The following KBTBD11 variants were observed in gnomAD, a reference collection of about 807,000 sequenced individuals.
KBTBD11 encodes kelch repeat and BTB domain-containing protein 11.
For synonymous variants in KBTBD11, 747 were observed against 499.0 expected, an observed-to-expected ratio of 1.50 and a Z score of -6.63; for missense variants, 1,390 against 1,001.8, an observed-to-expected ratio of 1.39 and a Z score of -5.23.
Position 2,001,123 on chromosome 8 carries a change from G to C in KBTBD11, c.-70G>C. On this transcript the variant is annotated 5_prime_UTR_variant, in exon 2 of 2. Coordinates refer to ENST00000320248, the MANE Select transcript of KBTBD11 (RefSeq NM_014867.3). ...GTGAGGCTGGAAACCCCGGAGTAAGGCTCGACCTTGGCCAGACCTGCAGGC... is the reference window on the plus strand; with the variant it reads ...GTGAGGCTGGAAACCCCGGAGTAAGCCTCGACCTTGGCCAGACCTGCAGGC... 4 of 1,269,480 alleles carry C rather than the reference G, an allele frequency of 3.2e-6. No homozygotes were observed. Among genetic ancestry groups the C allele is most frequent in the Non-Finnish European group, 4.0e-6 (4 of 1,008,212 alleles). The allele number at this position is 1,269,480 out of a possible 1,614,324, so 78.6% of individuals were successfully genotyped here.
chr8:1,980,253 G>T (rs1326238252), intron 1 of KBTBD11, among the ~76,000 whole-genome samples: 2 of 109,126 alleles, frequency 1.8e-5, no homozygotes, highest in Non-Finnish European at 3.7e-5. Flanking sequence ...TTTGAGATGG[G>T]GTCTTGCTCT....
intron 1 of KBTBD11, chr8:1,975,822 G>A (rs773503177): frequency 1.3e-5 from 2 of 152,202 alleles, no homozygotes; most frequent in African/African-American, 2.4e-5. Context: ...CCGGAAAGGT[G>A]GTTTGGAGCT....
chr8:1,974,372 A>AAGCAGG, intron 1 of KBTBD11: 2 of 984,240 alleles, frequency 2.0e-6, no homozygotes, highest in African/African-American at 3.5e-5. Context: ...GCCGGCACGG[A>AAGCAGG]AGCAGGAGCA....
chr8:1,980,174 A>T (rs1251958896), intron 1 of KBTBD11, among the ~76,000 whole-genome samples: 1 of 151,796 alleles, frequency 6.6e-6, no homozygotes, highest in African/African-American at 2.4e-5. Flanking sequence ...AGATAAGAAG[A>T]TAGAGGCCCA....
At position 2,002,200 on chromosome 8, in the gene KBTBD11, G is replaced by A. The variant is rs2129316712; in HGVS notation, c.1008G>A (p.Glu336=). 3 of 1,258,872 alleles carry A rather than the reference G, an allele frequency of 2.4e-6. No individual in the cohort carries two copies. Among genetic ancestry groups the A allele is most frequent in the Middle Eastern group, 3.1e-4 (1 of 3,214 alleles). The allele number at this position is 1,258,872 out of a possible 1,614,324, so 78.0% of individuals were successfully genotyped here. The change falls in exon 2 of 2, where the codon GAG becomes GAA. Residue 336 remains glutamate, a synonymous_variant. Coordinates refer to ENST00000320248, the MANE Select transcript of KBTBD11 (RefSeq NM_014867.3). The surrounding 1 kb of genome is among the most constrained non-coding windows in gnomAD (Gnocchi z 4.1). ...ACTGCTTCCACGCGGCGGCCGGAGA[G>A]TGGCGCGAGCTGACGCGGCTGCCCG... The part of the protein sequence containing the change: ...AVYCFHAAAG[E]WRELTRLPEG...
At chr8:1,984,283 T>TG (rs1442194366) in intron 1 of KBTBD11, among the ~76,000 whole-genome samples, 3 of 28,026 alleles carry the variant, frequency 1.1e-4, no homozygotes, top group Non-Finnish European at 2.4e-4. Context: ...AAAAAAGTTT[T>TG]TTTTTTTTTT....
rs1278818346 is a variant in KBTBD11 at position 2,001,083 on chromosome 8, G to A, written c.-110G>A. ...ACACACAGAAGTGAAATCTGATCGC[G>A]TGCCAGGAAAAGCTGTGAGGCTGGA... On this transcript the variant is annotated 5_prime_UTR_variant, in exon 2 of 2. It adds an upstream start codon to the 5' untranslated region. Transcript: ENST00000320248. The A allele has an allele frequency of 4.0e-6, 5 of 1,242,954 alleles. No homozygotes were observed. Among genetic ancestry groups the A allele is most frequent in the Non-Finnish European group, 5.1e-6 (5 of 987,884 alleles). The allele number at this position is 1,242,954 out of a possible 1,614,324, so 77.0% of individuals were successfully genotyped here. A position where few individuals can be genotyped will look rare whatever the true frequency, so the allele number is the denominator to read the frequency against.
chr8:1,998,306 G>C (rs1041279667), intron 1 of KBTBD11, among the ~76,000 whole-genome samples: 1 of 152,204 alleles, frequency 6.6e-6, no homozygotes, highest in Non-Finnish European at 1.5e-5. Flanking sequence ...GCTGTTGGGG[G>C]CACTGTGGGC....
At chr8:1,993,826 G>T (rs952887727) in intron 1 of KBTBD11, among the ~76,000 whole-genome samples, 1 of 151,736 alleles carries the variant, frequency 6.6e-6, no homozygotes, top group Admixed American at 6.6e-5. Flanking sequence ...TAAAGAAGGA[G>T]CAAGAATTCT....
In KBTBD11 at chr8:1,987,614, C is replaced by G. The variant is rs114332294; in HGVS notation, c.-908-12671C>G. Among the ~76,000 whole-genome samples, 433 of 152,228 alleles carry G rather than the reference C, an allele frequency of 2.8e-3. 1 individual carries two copies. Among genetic ancestry groups the G allele is most frequent in the African/African-American group, 9.8e-3 (407 of 41,546 alleles). On this transcript the variant is annotated intron_variant, in intron 1 of 1. Transcript: ENST00000320248. Reference sequence around the variant, plus strand: ...GCTTGTCTGTACCTCGAGGACTTCTCCGGCTGCTCTCCTGCTCCTCTCTCA... The same window carrying G: ...GCTTGTCTGTACCTCGAGGACTTCTGCGGCTGCTCTCCTGCTCCTCTCTCA...
Position 2,002,891 on chromosome 8 carries a change from C to T in KBTBD11, c.1699C>T (p.Arg567Cys), listed in dbSNP as rs1163134336. The change falls in exon 2 of 2, where the codon CGC (arginine) becomes TGC (cysteine). Residue 567 changes from arginine to cysteine, a missense_variant. Physicochemically the swap from Arg to Cys is radical, Grantham distance 180 (BLOSUM62 -3). Transcript: ENST00000320248. This position sits in a 1 kb window ranked among gnomAD's most constrained non-coding sequence, Gnocchi z 4.1. Reference protein sequence around the residue: ...ALDGAIYCVSRAGTWRFQPAR... With the variant: ...ALDGAIYCVSCAGTWRFQPAR... ...GGACGGCGCCATCTACTGCGTGAGC[C>T]GCGCGGGCACCTGGCGCTTCCAGCC... 67 of 1,322,004 alleles carry T rather than the reference C, an allele frequency of 5.1e-5. No individual in the cohort carries two copies. Among genetic ancestry groups the T allele is most frequent in the Non-Finnish European group, 6.3e-5 (66 of 1,040,182 alleles). 81.9% of individuals were successfully genotyped at this position (1,322,004 alleles called of 1,614,324 possible). A position where few individuals can be genotyped will look rare whatever the true frequency, so the allele number is the denominator to read the frequency against.
intron 1 of KBTBD11, among the ~76,000 whole-genome samples, chr8:1,977,870 G>C (rs1419300205): frequency 2.6e-5 from 4 of 152,092 alleles, no homozygotes; most frequent in Non-Finnish European, 5.9e-5. Context: ...TTACAATAGT[G>C]GGCCTTTCAT....
intron 1 of KBTBD11, among the ~76,000 whole-genome samples, chr8:1,978,354 G>C (rs1816421236): frequency 6.6e-6 from 1 of 152,254 alleles, no homozygotes; most frequent in Non-Finnish European, 1.5e-5. Flanking sequence ...CAGATGCGGA[G>C]CTTGAAGGCC....
Position 1,973,823 on chromosome 8 carries a change from G to T in KBTBD11, c.-1021G>T. ...CAGCTCCCGCTCGCAGGTGCTCGGA[G>T]AGGCCGGGCCGCGGCTCCCACAGGT... On this transcript the variant is annotated 5_prime_UTR_variant, in exon 1 of 2. Transcript: ENST00000320248. The T allele has an allele frequency of 1.0e-6, 1 of 983,410 alleles. No individual in the cohort carries two copies. The highest frequency in any genetic ancestry group is 1.8e-5 in the African/African-American group (1 of 57,052). The allele number at this position is 983,410 out of a possible 1,614,324, so 60.9% of individuals were successfully genotyped here.
At chr8:1,988,390 C>T (rs1223741235) in intron 1 of KBTBD11, among the ~76,000 whole-genome samples, 3 of 152,158 alleles carry the variant, frequency 2.0e-5, no homozygotes, top group African/African-American at 7.2e-5. Flanking sequence ...CTCTCCAGCA[C>T]CTGTTGTTTC....
At position 1,973,884 on chromosome 8, in the gene KBTBD11, C is replaced by T. The variant is rs1408893797; in HGVS notation, c.-960C>T. 5 of 982,836 alleles carry T rather than the reference C, an allele frequency of 5.1e-6. No individual in the cohort carries two copies. In the African/African-American group the frequency reaches 8.8e-5, roughly 17 times the overall value. 60.9% of individuals were successfully genotyped at this position (982,836 alleles called of 1,614,324 possible). On this transcript the variant is annotated 5_prime_UTR_variant, in exon 1 of 2. Transcript: ENST00000320248. ...GGCCGCGCGCATGCGCCGGAGCCCA[C>T]CCGCCTGGCTGCGCGTCCCGGGCCC...
At chr8:1,993,358 G>GTTC (rs1278140618) in intron 1 of KBTBD11, among the ~76,000 whole-genome samples, 1 of 149,690 alleles carries the variant, frequency 6.7e-6, no homozygotes, top group East Asian at 2.0e-4. Flanking sequence ...TCCATCCATC[G>GTTC]GTCCATCCGT....
intron 1 of KBTBD11, among the ~76,000 whole-genome samples, chr8:1,986,174 G>C (rs1816701904): frequency 1.3e-5 from 2 of 152,112 alleles, no homozygotes; most frequent in Admixed American, 1.3e-4. Context: ...CTTGCCTTTG[G>C]GGATCTCAGG....
chr8:1,975,247 T>C (rs1816294818), intron 1 of KBTBD11: 1 of 152,226 alleles, frequency 6.6e-6, no homozygotes. Context: ...CTTTGAACTT[T>C]CCATGTCAGT....
Sources: allele counts gnomAD v4.1 joint callset (sites outside exome capture counted in the v4.1 genomes callset), GRCh38; gene constraint gnomAD v4.1.1; non-coding constraint Gnocchi (gnomAD v3.1); transcripts MANE v1.5; gene names NCBI Gene and HGNC (gene_info 2026-07-23, HGNC 2026-07-21).